The following DENND5A variants were observed in gnomAD, a reference collection of about 807,000 sequenced individuals.
DENND5A encodes the protein DENN domain containing 5A.
Under a neutral mutation model 140.3 loss-of-function variants are expected in DENND5A, and 64 were observed. That is an observed-to-expected ratio of 0.46 (90% confidence interval 0.37 to 0.56). The LOEUF (loss-of-function observed/expected upper bound fraction) is 0.56, where lower values mean the gene tolerates loss of function less well. Among genes scored for constraint, DENND5A ranks in the 20% least tolerant of loss-of-function variants. The pLI is 0.00. For synonymous variants in DENND5A, 605 were observed against 607.7 expected (o/e 1.00, Z 0.07); for missense variants, 1,292 against 1,593.8 (o/e 0.81, Z 3.22).
intron 1 of DENND5A, among the ~76,000 whole-genome samples, chr11:9,249,848 C>T (rs1255929386): frequency 6.6e-6 from 1 of 152,018 alleles, no homozygotes; most frequent in South Asian, 2.1e-4. Context: ...CCGTGCCCGG[C>T]CTCATTTTTA....
chr11:9,152,422 G>C lies in DENND5A; in HGVS notation c.2457C>G (p.Ser819=), dbSNP rs770523677. The change falls in exon 13 of 23, where the codon TCC becomes TCG. Residue 819 remains serine (S), a synonymous_variant. Transcript: ENST00000328194. ...QVKQGKSALW[S]HLLHYQDNRQ... ...GGTTGTCCTGATAATGTAACAGGTG[G>C]GACCATAAGGCTGATTTCCCCTGGA... 10 of 1,613,604 alleles carry C rather than the reference G, an allele frequency of 6.2e-6. No homozygotes were observed. The South Asian group carries it at 1.1e-4, about 18-fold the overall frequency.
chr11:9,196,246 C>A (rs1849324203), intron 4 of DENND5A, among the ~76,000 whole-genome samples: 1 of 152,180 alleles, frequency 6.6e-6, no homozygotes, highest in Non-Finnish European at 1.5e-5. Context: ...AGCCACCGTG[C>A]CCGGCCCATT....
intron 1 of DENND5A, among the ~76,000 whole-genome samples, chr11:9,239,543 G>A (rs982885456): frequency 2.0e-5 from 3 of 151,834 alleles, no homozygotes; most frequent in Non-Finnish European, 2.9e-5. Context: ...TGTTGCCCAG[G>A]CTGGTCTCGA....
intron 1 of DENND5A, among the ~76,000 whole-genome samples, chr11:9,257,819 G>T (rs1464692423): frequency 2.7e-5 from 4 of 145,714 alleles, no homozygotes; most frequent in Non-Finnish European, 6.0e-5. Context: ...TTGAGACAAG[G>T]TCTCACTTTG....
At chr11:9,207,254 A>G in intron 2 of DENND5A, 1 of 485,504 alleles carries the variant, frequency 2.1e-6, no homozygotes, top group South Asian at 2.0e-5. Context: ...ACATTAACGA[A>G]GCAGATTTCA....
chr11:9,225,515 C>T (rs1850493624), intron 1 of DENND5A, among the ~76,000 whole-genome samples: 1 of 152,144 alleles, frequency 6.6e-6, no homozygotes, highest in East Asian at 1.9e-4. Context: ...AATCCCAATG[C>T]TTGGGAGGCT....
At chr11:9,204,449 T>C (rs973887897) in intron 3 of DENND5A, 132 bp from the exon 4 acceptor site, 1 of 811,360 alleles carries the variant, frequency 1.2e-6, no homozygotes, top group Non-Finnish European at 1.9e-6. Flanking sequence ...GCTCTCTCTT[T>C]CTAATGCAAG....
At chr11:9,263,608 C>T (rs1257555623) in intron 1 of DENND5A, among the ~76,000 whole-genome samples, 2 of 144,344 alleles carry the variant, frequency 1.4e-5, no homozygotes, top group East Asian at 4.2e-4. Context: ...TTTGGGAGGC[C>T]GAGGCGGGTG....
At chr11:9,219,940 C>A (rs1200544623) in intron 1 of DENND5A, among the ~76,000 whole-genome samples, 1 of 152,112 alleles carries the variant, frequency 6.6e-6, no homozygotes, top group African/African-American at 2.4e-5. Context: ...GATTGGATAT[C>A]ATCATTTAGA....
intron 1 of DENND5A, among the ~76,000 whole-genome samples, chr11:9,214,100 T>A (rs1452272263): frequency 6.6e-6 from 1 of 152,218 alleles, no homozygotes; most frequent in Non-Finnish European, 1.5e-5. Context: ...CATGCTATAA[T>A]CAGTTTATTT....
At chr11:9,140,306 T>C (rs1847194638) in intron 22 of DENND5A, 4 of 938,626 alleles carry the variant, frequency 4.3e-6, no homozygotes, top group South Asian at 4.1e-5. Flanking sequence ...GAAAGTAGGG[T>C]AGATGGAAGT....
intron 5 of DENND5A, among the ~76,000 whole-genome samples, chr11:9,192,420 C>T (rs993273661): frequency 2.0e-5 from 3 of 152,044 alleles, no homozygotes; most frequent in African/African-American, 7.2e-5. Context: ...TGAGGTCAGG[C>T]GTTCGAGACC....
intron 1 of DENND5A, among the ~76,000 whole-genome samples, chr11:9,250,536 TA>T (rs1564941425): frequency 6.6e-6 from 1 of 152,016 alleles, no homozygotes; most frequent in Non-Finnish European, 1.5e-5. Flanking sequence ...TCTATAATTT[TA>T]AAAAAACAAA....
chr11:9,240,871 T>C (rs1416979043), intron 1 of DENND5A, among the ~76,000 whole-genome samples: 1 of 152,130 alleles, frequency 6.6e-6, no homozygotes, highest in Non-Finnish European at 1.5e-5. Context: ...AAACCTCAAG[T>C]AGAAACAAAA....
intron 1 of DENND5A, among the ~76,000 whole-genome samples, chr11:9,249,227 CA>C (rs879792718): frequency 3.4e-4 from 46 of 133,988 alleles, no homozygotes; most frequent in Admixed American, 6.0e-4. Context: ...GACTCCGACT[CA>C]AAAAAAAAAA....
At chr11:9,218,737 G>T (rs1850194681) in intron 1 of DENND5A, among the ~76,000 whole-genome samples, 1 of 151,976 alleles carries the variant, frequency 6.6e-6, no homozygotes, top group Non-Finnish European at 1.5e-5. Flanking sequence ...CCGGCGTGGT[G>T]GCTCACGCCT....
chr11:9,164,165 G>A (rs1463945218), intron 11 of DENND5A, among the ~76,000 whole-genome samples: 1 of 124,698 alleles, frequency 8.0e-6, no homozygotes, highest in African/African-American at 3.1e-5. Flanking sequence ...CAAAGTAGCT[G>A]GGACTAAAGG....
rs796334138 is a variant in DENND5A at position 9,203,067 on chromosome 11, T to C, written c.949+593A>G. ...TACCCTTGAAACAATGCCTGACACA[T>C]AGTGCACTCTCAGTAAATATGTACT... On this transcript the variant is annotated intron_variant, in intron 4 of 22. Coordinates refer to ENST00000328194, the MANE Select transcript of DENND5A (RefSeq NM_015213.4). Among the ~76,000 whole-genome samples the C allele has an allele frequency of 2.2e-4, 34 of 152,274 alleles. 1 individual carries two copies. Among genetic ancestry groups the C allele is most frequent in the African/African-American group, 7.7e-4 (32 of 41,558 alleles).
At chr11:9,173,119 C>T (rs1285900275) in intron 8 of DENND5A, among the ~76,000 whole-genome samples, 1 of 152,050 alleles carries the variant, frequency 6.6e-6, no homozygotes, top group Non-Finnish European at 1.5e-5. Flanking sequence ...AGCCACCGCG[C>T]CTGGCCTGGA....
Sources: allele counts gnomAD v4.1 joint callset (sites outside exome capture counted in the v4.1 genomes callset), GRCh38; gene constraint gnomAD v4.1.1; transcripts MANE v1.5; gene names NCBI Gene and HGNC (gene_info 2026-07-23, HGNC 2026-07-21).